The following ABCC11 variants were observed in gnomAD, a reference collection of about 807,000 sequenced individuals.
The protein encoded by ABCC11 is ATP-binding cassette sub-family C member 11.
In ABCC11, 135 loss-of-function variants were observed where a neutral mutation model predicts 149.3. The observed-to-expected ratio is 0.90, with a 90% CI of 0.79 to 1.04. The LOEUF (loss-of-function observed/expected upper bound fraction) is 1.04, where lower values mean the gene tolerates loss of function less well. ABCC11 is among the 50% of genes least tolerant of loss of function. The pLI is 0.00. For synonymous variants in ABCC11, 665 were observed against 671.4 expected (o/e 0.99, Z 0.15); for missense variants, 1,680 against 1,722.1 (o/e 0.98, Z 0.43).
At position 48,208,425 on chromosome 16, in the gene ABCC11, C is replaced by G; in HGVS notation, c.1680G>C (p.Glu560Asp). The G allele has an allele frequency of 1.2e-6, 2 of 1,614,142 alleles. No individual in the cohort carries two copies. Among genetic ancestry groups the G allele is most frequent in the South Asian group, 1.1e-5 (1 of 91,064 alleles). ...KSSLLSAILE[E>D]MHLLEGSVGV... ...AAGCATGTGGCCACAGATCACTTACCTCCTCCAGGATGGCTGACAACAGGC... is the reference window on the plus strand; with the variant it reads ...AAGCATGTGGCCACAGATCACTTACGTCCTCCAGGATGGCTGACAACAGGC... Residue 560 changes from glutamate (E) to aspartate (D), a missense_variant and splice_region_variant, in exon 12 of 30, where the codon GAG (glutamate) becomes GAC (aspartate). Glu to Asp is a conservative substitution (Grantham distance 45). Transcript: ENST00000356608.
At chr16:48,239,423 GT>G (rs1282233108) in intron 1 of ABCC11, among the ~76,000 whole-genome samples, 2 of 151,856 alleles carry the variant, frequency 1.3e-5, no homozygotes, top group Admixed American at 1.3e-4. Context: ...TTAGCCAGGT[GT>G]GGTGGCAGAT....
chr16:48,171,273 A>G (rs62058521), intron 26 of ABCC11, among the ~76,000 whole-genome samples: 33,124 of 152,176 alleles, frequency 0.22, 4,331 homozygotes, highest in African/African-American at 0.36. Context: ...GACATACAGC[A>G]ATCCCTGGCC....
At chr16:48,228,132 T>C (rs1970198173) in intron 3 of ABCC11, among the ~76,000 whole-genome samples, 168 bp from the exon 4 acceptor site, 1 of 152,022 alleles carries the variant, frequency 6.6e-6, no homozygotes, top group Non-Finnish European at 1.5e-5. Flanking sequence ...TGCCCATTAA[T>C]TGAGGAATTA....
At position 48,208,462 on chromosome 16, in the gene ABCC11, C is replaced by T; in HGVS notation, c.1643G>A (p.Ser548Asn). 2 of 1,614,178 alleles carry T rather than the reference C, an allele frequency of 1.2e-6. No homozygotes were observed. The highest frequency in any genetic ancestry group is 8.5e-7 in the Non-Finnish European group (1 of 1,180,022). Residue 548 changes from serine to asparagine, a missense_variant, in exon 12 of 30, where the codon AGT becomes AAT. Coordinates refer to ENST00000356608, the MANE Select transcript of ABCC11 (RefSeq NM_001370497.1). ...GGCTGACAACAGGCTGCTCTTACCA[C>T]TCCCCGTGTTGCCGCAGACCCCTAA... ...MMLGVCGNTG[S>N]GKSSLLSAIL...
rs1055349761 is a variant in ABCC11, at chr16:48,216,191, T to G, written c.874A>C (p.Ser292Arg). The change falls in exon 7 of 30, where the codon AGC becomes CGC. Residue 292 changes from serine to arginine, a missense_variant. Ser to Arg is a moderately radical substitution (Grantham distance 110). Coordinates refer to ENST00000356608, the MANE Select transcript of ABCC11 (RefSeq NM_001370497.1). ...CCAATAATGAAGTAGGAAGAAATGC[T>G]GCAGATGACCAGCGATGCGCAGGTG... ...LITCASLVIC[S>R]ISSYFIIGYT... 6 of 1,614,080 alleles carry G rather than the reference T, an allele frequency of 3.7e-6. No individual in the cohort carries two copies. Among genetic ancestry groups the G allele is most frequent in the Non-Finnish European group, 5.1e-6 (6 of 1,180,026 alleles).
At chr16:48,180,228 G>A (rs1055406786) in intron 23 of ABCC11, among the ~76,000 whole-genome samples, 1 of 152,274 alleles carries the variant, frequency 6.6e-6, no homozygotes, top group Non-Finnish European at 1.5e-5. Flanking sequence ...GAAGGCATCA[G>A]ATGGGTGTAT....
chr16:48,191,524 A>G (rs1308768449), intron 20 of ABCC11, among the ~76,000 whole-genome samples: 4 of 152,214 alleles, frequency 2.6e-5, no homozygotes, highest in Non-Finnish European at 5.9e-5. Flanking sequence ...ATAGGCAGGT[A>G]TATGAGAACT....
chr16:48,243,713 C>T (rs1387762137), intron 1 of ABCC11, among the ~76,000 whole-genome samples: 1 of 152,134 alleles, frequency 6.6e-6, no homozygotes, highest in Non-Finnish European at 1.5e-5. Context: ...CAATTCGGGC[C>T]GGGCACGTTG....
At chr16:48,181,673 C>A (rs556928262) in intron 23 of ABCC11, among the ~76,000 whole-genome samples, 29 of 150,910 alleles carry the variant, frequency 1.9e-4, no homozygotes, top group Non-Finnish European at 4.1e-4. Context: ...TGCAGTGGTG[C>A]GATCTTGCCT....
chr16:48,222,543 G>A, intron 6 of ABCC11, 55 bp downstream of exon 6: 1 of 1,488,442 alleles, frequency 6.7e-7, no homozygotes, highest in Non-Finnish European at 9.4e-7. Context: ...GGGCAGTTAT[G>A]TCCGGAGGAA....
At chr16:48,212,571 T>C (rs920012649) in intron 10 of ABCC11, among the ~76,000 whole-genome samples, 1 of 152,252 alleles carries the variant, frequency 6.6e-6, no homozygotes, top group African/African-American at 2.4e-5. Context: ...CATTGTTTTA[T>C]TGGCATCATG....
intron 14 of ABCC11, among the ~76,000 whole-genome samples, chr16:48,202,405 G>C (rs997937412): frequency 5.3e-5 from 8 of 152,164 alleles, no homozygotes; most frequent in Admixed American, 2.6e-4. Context: ...GAGGCCAGGA[G>C]TTTGAGACTA....
intron 18 of ABCC11, among the ~76,000 whole-genome samples, chr16:48,195,512 G>A (rs905279508): frequency 6.6e-6 from 1 of 152,144 alleles, no homozygotes; most frequent in Non-Finnish European, 1.5e-5. Context: ...TAAACGATGA[G>A]TAAAAAGTTT....
intron 9 of ABCC11, among the ~76,000 whole-genome samples, chr16:48,214,380 G>T (rs530115942): frequency 6.6e-6 from 1 of 152,116 alleles, no homozygotes; most frequent in East Asian, 1.9e-4. Flanking sequence ...TCTTGCTCTG[G>T]GTGCTGCCTC....
intron 6 of ABCC11, among the ~76,000 whole-genome samples, chr16:48,220,747 AT>A (rs1443051398): frequency 6.6e-6 from 1 of 152,150 alleles, no homozygotes; most frequent in African/African-American, 2.4e-5. Context: ...TAAATACCTA[AT>A]GTTTGTTAGT....
intron 3 of ABCC11, among the ~76,000 whole-genome samples, chr16:48,229,026 G>T (rs986523309): frequency 2.0e-5 from 3 of 151,936 alleles, no homozygotes; most frequent in Non-Finnish European, 2.9e-5. Context: ...GATTTCTTTT[G>T]GGGGGTAGGG....
chr16:48,207,716 G>GGAAAGAAAA (rs1306719963), intron 12 of ABCC11, among the ~76,000 whole-genome samples: 2 of 151,758 alleles, frequency 1.3e-5, no homozygotes, highest in East Asian at 1.9e-4. Context: ...AAGGGAAAAA[G>GGAAAGAAAA]GAAAGAAAAG....
intron 11 of ABCC11, chr16:48,209,978 C>G (rs1240596726): frequency 6.6e-6 from 1 of 151,996 alleles, no homozygotes; most frequent in African/African-American, 2.4e-5. Flanking sequence ...AGGGATAGGG[C>G]AGTGGAGGGG....
At position 48,227,821 on chromosome 16, in the gene ABCC11, T is replaced by A; in HGVS notation, c.380A>T (p.Asp127Val). ...GCAGCTTCACCTTTGGACATTTTTGTCTGAGGCATCATGGACTGACAGTGG... is the reference window on the plus strand; with the variant it reads ...GCAGCTTCACCTTTGGACATTTTTGACTGAGGCATCATGGACTGACAGTGG... ...IPPLSVHDAS[D>V]KNVQRLHRLW... is the part of the protein sequence containing the mutation. Residue 127 changes from aspartate (D) to valine (V), a missense_variant, in exon 4 of 30, where the codon GAC (aspartate) becomes GTC (valine). By Grantham distance (152) the Asp-to-Val change is radical (BLOSUM62 -3). Coordinates refer to ENST00000356608, the MANE Select transcript of ABCC11 (RefSeq NM_001370497.1). 6.2e-7 allele frequency: 1 copy of A among 1,614,098 alleles called. No individual in the cohort carries two copies. Among genetic ancestry groups the A allele is most frequent in the Non-Finnish European group, 8.5e-7 (1 of 1,179,988 alleles).
Sources: gnomAD v4.1 joint callset for allele counts (sites outside exome capture counted in the v4.1 genomes callset) on GRCh38, gnomAD v4.1.1 for gene constraint, MANE v1.5 for transcripts, NCBI Gene and HGNC (gene_info 2026-07-23, HGNC 2026-07-21) for gene names.